Variants in SEMA4F observed in about 807,000 individuals in gnomAD.
SEMA4F encodes semaphorin-4F.
SEMA4F carries 51 observed loss-of-function variants against 78.4 expected under a neutral mutation model. That is an observed-to-expected ratio of 0.65 (90% CI 0.52 to 0.82). The LOEUF is 0.82. Ranked by LOEUF, SEMA4F falls within the 40% of genes least tolerant of loss-of-function variation. The pLI is 0.00. For missense variants in SEMA4F, 938 were observed against 1,014.4 expected, an observed-to-expected ratio of 0.92 and a Z score of 1.02; for synonymous variants, 418 against 408.7, an observed-to-expected ratio of 1.02 and a Z score of -0.27.
At chr2:74,699,811 G>A in the SEMA4F span, among the ~76,000 whole-genome samples, 1 of 152,318 alleles carries the variant, frequency 6.6e-6, no homozygotes, top group South Asian at 2.1e-4. Context: ...ATATAGCAGA[G>A]GCCCAGGCAT....
intron 5 of SEMA4F, among the ~76,000 whole-genome samples, chr2:74,668,613 GTT>G (rs758572242): frequency 3.5e-5 from 5 of 140,890 alleles, no homozygotes; most frequent in Non-Finnish European, 1.6e-5. Flanking sequence ...AATCAGTTGT[GTT>G]TTTTTTTTTT....
chr2:74,675,395 T>C lies in SEMA4F; in HGVS notation c.1372+11T>C, dbSNP rs1234931729. 2 of 1,611,810 alleles carry C rather than the reference T, an allele frequency of 1.2e-6. No individual in the cohort carries two copies. The highest frequency in any genetic ancestry group is 1.7e-5 in the Admixed American group (1 of 59,748). ...TCTACCTGGGGACAGGTATATTTAA[T>C]GGTCAAGCAGGCTGCCTACCTAGTG... On this transcript the variant is annotated intron_variant, in intron 10 of 13. Coordinates refer to ENST00000357877, the MANE Select transcript of SEMA4F (RefSeq NM_004263.5).
At chr2:74,693,592 A>T in the SEMA4F span, among the ~76,000 whole-genome samples, 1 of 152,212 alleles carries the variant, frequency 6.6e-6, no homozygotes, top group Non-Finnish European at 1.5e-5. Flanking sequence ...TTTCTCCTTT[A>T]GCCTGTGAAT....
rs1315068221 is a variant in SEMA4F, at chr2:74,669,448, G to T, written c.551-4009G>T. Among the ~76,000 whole-genome samples, 3 of 151,778 alleles carry T rather than the reference G, an allele frequency of 2.0e-5. No individual in the cohort carries two copies. In the East Asian group the frequency reaches 5.8e-4, roughly 29 times the overall value. On this transcript the variant is annotated intron_variant, in intron 5 of 13. Transcript: ENST00000357877. Reference sequence around the variant, plus strand: ...AAAATACAAAAATTAGCTGGGTGTGGTGGGGGGGTGCCTGTAATCCCAGCT... The same window carrying T: ...AAAATACAAAAATTAGCTGGGTGTGTTGGGGGGGTGCCTGTAATCCCAGCT...
chr2:74,694,047 A>G, the SEMA4F span, among the ~76,000 whole-genome samples: 2 of 152,224 alleles, frequency 1.3e-5, no homozygotes, highest in African/African-American at 4.8e-5. Context: ...AAACTCTGAT[A>G]GACTCAGGTA....
the SEMA4F span, among the ~76,000 whole-genome samples, chr2:74,690,689 G>T: frequency 6.6e-6 from 1 of 152,174 alleles, no homozygotes; most frequent in Non-Finnish European, 1.5e-5. Context: ...TAGGGATCTC[G>T]TGCCCGACTA....
chr2:74,676,107 T>C (rs1182916271), intron 12 of SEMA4F, among the ~76,000 whole-genome samples, 198 bp downstream of exon 12: 1 of 152,244 alleles, frequency 6.6e-6, no homozygotes, highest in Non-Finnish European at 1.5e-5. Context: ...ACCTCATCAA[T>C]GTCCTTGCCT....
Position 74,680,915 on chromosome 2 carries a change from T to C in SEMA4F, c.*706T>C, listed in dbSNP as rs2105027702. On this transcript the variant is annotated 3_prime_UTR_variant, in exon 14 of 14. Transcript: ENST00000357877. ...AATGGCGTTCCTTTCTAAAAGGAAC[T>C]GAAACACTGCCCCTCTCCCCATTGC... 1 of 152,538 alleles carries C rather than the reference T, an allele frequency of 6.6e-6. No homozygotes were observed. The highest frequency in any genetic ancestry group is 1.9e-4 in the East Asian group (1 of 5,168). The allele number at this position is 152,538 out of a possible 1,614,324, so 9.4% of individuals were successfully genotyped here. A position where few individuals can be genotyped will look rare whatever the true frequency, so the allele number is the denominator to read the frequency against.
chr2:74,657,183 C>T (rs531384440), intron 2 of SEMA4F, among the ~76,000 whole-genome samples: 7 of 152,214 alleles, frequency 4.6e-5, no homozygotes, highest in East Asian at 1.9e-4. Context: ...ATGTATTCTG[C>T]GAATATCCCC....
At chr2:74,672,065 C>T (rs1358689643) in intron 5 of SEMA4F, among the ~76,000 whole-genome samples, 1 of 152,192 alleles carries the variant, frequency 6.6e-6, no homozygotes, top group Non-Finnish European at 1.5e-5. Context: ...TATCACTTTC[C>T]TCCTAAAAAA....
intron 5 of SEMA4F, among the ~76,000 whole-genome samples, chr2:74,667,317 G>A (rs1183741638): frequency 6.6e-6 from 1 of 152,144 alleles, no homozygotes; most frequent in Non-Finnish European, 1.5e-5. Context: ...TCCAAAAAGT[G>A]GAATTGCTAG....
chr2:74,686,192 C>T (rs577073562), downstream of SEMA4F, among the ~76,000 whole-genome samples: 34 of 152,086 alleles, frequency 2.2e-4, no homozygotes, highest in Admixed American at 9.2e-4. Flanking sequence ...CTCTGCCTTC[C>T]GGGTTCACAC....
At chr2:74,676,600 T>G (rs764776087) in intron 12 of SEMA4F, among the ~76,000 whole-genome samples, 10 of 152,164 alleles carry the variant, frequency 6.6e-5, no homozygotes, top group Non-Finnish European at 1.3e-4. Flanking sequence ...ATCCAGTTGC[T>G]CAAGCCAGAA....
Position 74,654,342 on chromosome 2 carries a change from G to T in SEMA4F, c.-35G>T. On this transcript the variant is annotated 5_prime_UTR_variant, in exon 1 of 14. Transcript: ENST00000357877. ...CCCGGGGCCCTGAGCAGAGGCCGTAGCTTGCGCCGCACCCGCGGCCAGGCG... is the reference window on the plus strand; with the variant it reads ...CCCGGGGCCCTGAGCAGAGGCCGTATCTTGCGCCGCACCCGCGGCCAGGCG... 2 of 1,451,978 alleles carry T rather than the reference G, an allele frequency of 1.4e-6. No individual in the cohort carries two copies. The highest frequency in any genetic ancestry group is 2.8e-5 in the East Asian group (1 of 35,352). 89.9% of individuals were successfully genotyped at this position (1,451,978 alleles called of 1,614,324 possible).
At position 74,659,312 on chromosome 2, in the gene SEMA4F, CAG is replaced by C. The variant is rs1684316288; in HGVS notation, c.456+1362_456+1363del. Among the ~76,000 whole-genome samples the C allele has an allele frequency of 2.0e-5, 3 of 152,176 alleles. No individual in the cohort carries two copies. The South Asian group carries it at 6.2e-4, about 31-fold the overall frequency. On this transcript the variant is annotated intron_variant, in intron 4 of 13. Coordinates refer to ENST00000357877, the MANE Select transcript of SEMA4F (RefSeq NM_004263.5). ...GAATCCCAGAGCCATGGCTTATAGA[CAG>C]TGTGATTGTTCTAAGTTAGTCTCCT...
In SEMA4F at chr2:74,673,739, G is replaced by C; in HGVS notation, c.733G>C (p.Asp245His). The C allele has an allele frequency of 6.2e-7, 1 of 1,614,184 alleles. No homozygotes were observed. Among genetic ancestry groups the C allele is most frequent in the Non-Finnish European group, 8.5e-7 (1 of 1,180,040 alleles). Residue 245 changes from aspartate (D) to histidine (H), a missense_variant, in exon 7 of 14, where the codon GAC becomes CAC. Asp to His is a moderately conservative substitution (Grantham distance 81, BLOSUM62 -1). Transcript: ENST00000357877. ...PAEWGDEDGD[D>H]EIYFFFTETS... ...CGAATGGGGGGATGAAGATGGAGAC[G>C]ACGAAATCTACTTCTTCTTTACGGA...
intron 2 of SEMA4F, among the ~76,000 whole-genome samples, chr2:74,656,961 T>G (rs1684181889): frequency 6.6e-6 from 1 of 152,032 alleles, no homozygotes; most frequent in Admixed American, 6.5e-5. Flanking sequence ...GGCAGAGGGA[T>G]CATTAAAATT....
At chr2:74,696,185 CTTTTTTTTT>C in the SEMA4F span, among the ~76,000 whole-genome samples, 2 of 109,016 alleles carry the variant, frequency 1.8e-5, no homozygotes, top group African/African-American at 7.3e-5. Context: ...TCTCCTGCCT[CTTTTTTTTT>C]TTTTTTTTTT....
chr2:74,660,792 T>C (rs1300456191), intron 4 of SEMA4F, among the ~76,000 whole-genome samples: 2 of 152,220 alleles, frequency 1.3e-5, no homozygotes, highest in Non-Finnish European at 2.9e-5. Context: ...TTTCAACATA[T>C]TGAGTTTTAA....
Sources: gnomAD v4.1 joint callset for allele counts (sites outside exome capture counted in the v4.1 genomes callset) on GRCh38, gnomAD v4.1.1 for gene constraint, MANE v1.5 for transcripts, NCBI Gene and HGNC (gene_info 2026-07-23, HGNC 2026-07-21) for gene names.